ARID4B: variants seen among roughly 807,000 people sequenced by gnomAD.
The protein encoded by ARID4B is AT-rich interactive domain-containing protein 4B.
Under a neutral mutation model 147.5 loss-of-function variants are expected in ARID4B, and 26 were observed. That is an observed-to-expected ratio of 0.18 (90% confidence interval 0.13 to 0.24). The LOEUF (loss-of-function observed/expected upper bound fraction) is 0.24, where lower values mean the gene tolerates loss of function less well. ARID4B is among the 10% of genes least tolerant of loss of function. ARID4B has a pLI of 1.00. For synonymous variants in ARID4B, 512 were observed against 507.9 expected (o/e 1.01, Z -0.11); for missense variants, 1,179 against 1,511.5 (o/e 0.78, Z 3.65).
intron 2 of ARID4B, among the ~76,000 whole-genome samples, chr1:235,319,573 T>TA (rs1365060304): frequency 6.6e-6 from 1 of 152,152 alleles, no homozygotes; most frequent in South Asian, 2.1e-4. Flanking sequence ...TTTTTTTAAT[T>TA]AAAAAAACAA....
intron 17 of ARID4B, among the ~76,000 whole-genome samples, chr1:235,208,536 CTT>C (rs144599378): frequency 0.059 from 8,892 of 151,818 alleles, 844 homozygotes; most frequent in African/African-American, 0.19. Context: ...GAGTTTCGCT[CTT>C]GTTGCCCAGG....
At chr1:235,235,604 A>G (rs1396678622) in intron 8 of ARID4B, among the ~76,000 whole-genome samples, 2 of 152,178 alleles carry the variant, frequency 1.3e-5, no homozygotes, top group African/African-American at 4.8e-5. Flanking sequence ...TCTCTTTGCT[A>G]TCTCTGCAAG....
chr1:235,205,138 T>C (rs77749749), intron 17 of ARID4B, among the ~76,000 whole-genome samples: 26 of 152,058 alleles, frequency 1.7e-4, no homozygotes, highest in African/African-American at 6.3e-4. Flanking sequence ...AGAAAATGAG[T>C]AGAACAACTT....
At chr1:235,220,201 A>G in intron 15 of ARID4B, 101 bp downstream of exon 15, 1 of 1,060,806 alleles carries the variant, frequency 9.4e-7, no homozygotes, top group Non-Finnish European at 1.3e-6. Context: ...TAAACAAATA[A>G]TAAAGAATAA....
chr1:235,224,567 G>A, intron 12 of ARID4B, 136 bp downstream of exon 12: 1 of 663,720 alleles, frequency 1.5e-6, no homozygotes, highest in Admixed American at 2.8e-5. Flanking sequence ...GCTAGGTGCT[G>A]GTGATATCAG....
intron 2 of ARID4B, among the ~76,000 whole-genome samples, chr1:235,291,740 A>G (rs978680626): frequency 2.0e-5 from 3 of 152,178 alleles, no homozygotes; most frequent in African/African-American, 7.2e-5. Flanking sequence ...AAAAACAAAA[A>G]CAAAACAAAC....
intron 16 of ARID4B, among the ~76,000 whole-genome samples, chr1:235,214,705 C>T (rs1456584952): frequency 6.6e-6 from 1 of 152,162 alleles, no homozygotes; most frequent in African/African-American, 2.4e-5. Context: ...TTTCTACTCT[C>T]ATTACCACAG....
chr1:235,206,411 GA>G (rs1348892254), intron 17 of ARID4B, among the ~76,000 whole-genome samples: 1 of 151,868 alleles, frequency 6.6e-6, no homozygotes, highest in Non-Finnish European at 1.5e-5. Context: ...AAATAATTTA[GA>G]AAAATTCAAT....
chr1:235,172,906 A>G (rs1489225737), intron 22 of ARID4B, 142 bp from the exon 23 acceptor site: 1 of 646,970 alleles, frequency 1.5e-6, no homozygotes, highest in East Asian at 3.0e-5. Flanking sequence ...TTTGTTTTCC[A>G]AATTTTTTAT....
chr1:235,217,018 A>G (rs1667136838), intron 16 of ARID4B, among the ~76,000 whole-genome samples: 1 of 152,146 alleles, frequency 6.6e-6, no homozygotes, highest in Admixed American at 6.5e-5. Flanking sequence ...TGATGAATAC[A>G]AACAATTCTA....
Position 235,182,232 on chromosome 1 carries a change from G to A in ARID4B, c.2687C>T (p.Ser896Leu). 1 of 1,613,356 alleles carries A rather than the reference G, an allele frequency of 6.2e-7. No individual in the cohort carries two copies. Residue 896 changes from serine to leucine, a missense_variant, in exon 20 of 24, where the codon TCA (serine) becomes TTA (leucine). Coordinates refer to ENST00000264183, the MANE Select transcript of ARID4B (RefSeq NM_016374.6). ...TTTTTCTGCCACTTCTGAAAATCCT[G>A]AATAGAAACCAGTTGTCCGTAGAGA... ...RKSLRTTGFY[S>L]GFSEVAEKRI...
In ARID4B at chr1:235,272,612, A is replaced by G. The variant is rs144284475; in HGVS notation, c.7-11860T>C. 3.5e-4 allele frequency among the ~76,000 whole-genome samples: 54 copies of G among 152,242 alleles called. 2 individuals are homozygous for G. The East Asian group carries it at 0.01, about 28-fold the overall frequency. On this transcript the variant is annotated intron_variant, in intron 2 of 23. Coordinates refer to ENST00000264183, the MANE Select transcript of ARID4B (RefSeq NM_016374.6). ...TTACTAGATCCATCATCCTTGGGAA[A>G]AATTATTTAACTTATCTGAGCATAG...
At chr1:235,173,605 T>A (rs961896754) in intron 22 of ARID4B, among the ~76,000 whole-genome samples, 11 of 148,926 alleles carry the variant, frequency 7.4e-5, no homozygotes, top group Non-Finnish European at 1.3e-4. Context: ...ATTAAAAAAA[T>A]ATACATATTG....
intron 19 of ARID4B, among the ~76,000 whole-genome samples, chr1:235,185,380 T>C (rs957309883): frequency 4.6e-5 from 7 of 152,208 alleles, no homozygotes; most frequent in Non-Finnish European, 8.8e-5. Flanking sequence ...TCTTTTACAT[T>C]ATTTTATTTC....
At chr1:235,177,117 T>C (rs1031570556) in intron 21 of ARID4B, among the ~76,000 whole-genome samples, 1 of 152,244 alleles carries the variant, frequency 6.6e-6, no homozygotes, top group African/African-American at 2.4e-5. Flanking sequence ...TGTTGTAGAC[T>C]GGAGTTGTTG....
chr1:235,226,532 T>C (rs1282792003), intron 11 of ARID4B, among the ~76,000 whole-genome samples: 2 of 151,748 alleles, frequency 1.3e-5, no homozygotes, highest in African/African-American at 2.4e-5. Flanking sequence ...AGCTAATTTT[T>C]TTTTTTTTAG....
At chr1:235,272,007 G>A (rs1048114557) in intron 2 of ARID4B, among the ~76,000 whole-genome samples, 3 of 151,684 alleles carry the variant, frequency 2.0e-5, no homozygotes, top group South Asian at 2.1e-4. Flanking sequence ...GTTTTTAATC[G>A]TGTTTCATAT....
chr1:235,247,755 G>A (rs571081814), intron 6 of ARID4B, among the ~76,000 whole-genome samples: 2 of 152,238 alleles, frequency 1.3e-5, no homozygotes, highest in South Asian at 2.1e-4. Flanking sequence ...TTGGGAGGCC[G>A]AGGCAGGTGG....
chr1:235,302,626 T>C (rs1673261911), intron 2 of ARID4B, among the ~76,000 whole-genome samples: 1 of 152,228 alleles, frequency 6.6e-6, no homozygotes, highest in Non-Finnish European at 1.5e-5. Context: ...ATTATACTCC[T>C]ATTGATAACA....
Sources: allele counts gnomAD v4.1 joint callset (sites outside exome capture counted in the v4.1 genomes callset), GRCh38; gene constraint gnomAD v4.1.1; transcripts MANE v1.5; gene names NCBI Gene and HGNC (gene_info 2026-07-23, HGNC 2026-07-21).